Variants in RAPGEF1 observed in about 807,000 individuals in gnomAD.
RAPGEF1 encodes Rap guanine nucleotide exchange factor 1.
A neutral mutation model predicts 143.3 loss-of-function variants in RAPGEF1; 33 were observed. The ratio of observed to expected loss-of-function variants is 0.23; its 90% CI spans 0.17 to 0.31. The LOEUF is 0.31. Among genes scored for constraint, RAPGEF1 ranks in the 10% least tolerant of loss-of-function variants. The pLI, the probability that RAPGEF1 is intolerant of heterozygous loss-of-function variation, is 1.00. For synonymous variants in RAPGEF1, 629 were observed against 676.5 expected, an observed-to-expected ratio of 0.93 and a Z score of 1.09; for missense variants, 1,199 against 1,645.4, an observed-to-expected ratio of 0.73 and a Z score of 4.69.
chr9:131,593,779 C>T (rs1373395563), intron 17 of RAPGEF1, among the ~76,000 whole-genome samples: 1 of 152,212 alleles, frequency 6.6e-6, no homozygotes, highest in Non-Finnish European at 1.5e-5. Context: ...CCTCGGCCCC[C>T]ACACCCACCC....
At chr9:131,640,355 T>C (rs1967547932) in intron 4 of RAPGEF1, among the ~76,000 whole-genome samples, 1 of 152,102 alleles carries the variant, frequency 6.6e-6, no homozygotes, top group South Asian at 2.1e-4. Flanking sequence ...AACAGTGAGG[T>C]GAAAGAGGGG....
chr9:131,657,274 C>G (rs1338578356), intron 1 of RAPGEF1, among the ~76,000 whole-genome samples: 1 of 152,190 alleles, frequency 6.6e-6, no homozygotes, highest in East Asian at 1.9e-4. Flanking sequence ...GATGCACTCT[C>G]CCTGCCCCTT....
intron 1 of RAPGEF1, among the ~76,000 whole-genome samples, chr9:131,724,552 G>A (rs371491430): frequency 6.6e-6 from 1 of 152,004 alleles, no homozygotes; most frequent in Non-Finnish European, 1.5e-5. Flanking sequence ...CCGAGATCAC[G>A]CCACTGCACT....
At chr9:131,727,699 C>G (rs1389743155) in intron 1 of RAPGEF1, among the ~76,000 whole-genome samples, 1 of 152,178 alleles carries the variant, frequency 6.6e-6, no homozygotes, top group African/African-American at 2.4e-5. Flanking sequence ...AGTCCCTAGC[C>G]CGAGTCCCTG....
At chr9:131,624,016 A>G (rs1962136831) in intron 10 of RAPGEF1, among the ~76,000 whole-genome samples, 1 of 152,186 alleles carries the variant, frequency 6.6e-6, no homozygotes, top group Non-Finnish European at 1.5e-5. Context: ...GCTCTTTCAC[A>G]GGGTACGGAG....
At chr9:131,709,855 T>C (rs894162548) in intron 1 of RAPGEF1, 5 of 1,424,594 alleles carry the variant, frequency 3.5e-6, no homozygotes, top group African/African-American at 1.4e-5. Flanking sequence ...TCTCAAGTCT[T>C]TGCCTTCTGC....
intron 1 of RAPGEF1, among the ~76,000 whole-genome samples, chr9:131,662,551 G>T (rs1337804698): frequency 4.5e-4 from 58 of 129,942 alleles, no homozygotes; most frequent in African/African-American, 1.3e-3. Flanking sequence ...GTTTTATTTT[G>T]TTTTTTTTTT....
rs1178774797 is a variant in RAPGEF1 at position 131,735,186 on chromosome 9, C to T, written c.61+4584G>A. 3.9e-5 allele frequency among the ~76,000 whole-genome samples: 6 copies of T among 152,184 alleles called. No homozygotes were observed. The East Asian group carries it at 5.8e-4, about 15-fold the overall frequency. ...TCAGGAGGTTGCTCCGTGAGGCAGG[C>T]GATGAGTGAAGCCACTGAAGGAGGG... On this transcript the variant is annotated intron_variant, in intron 1 of 26. Transcript: ENST00000683357.
chr9:131,578,469 C>G lies in RAPGEF1; in HGVS notation c.*1028G>C, dbSNP rs1415336003. On this transcript the variant is annotated 3_prime_UTR_variant, in exon 27 of 27. Transcript: ENST00000683357. Reference sequence around the variant, plus strand: ...CTCCCAGGGGCACTGACAGCACTGGCTGAAAGGTCTGAAGAGCCAGAGGAG... The same window carrying G: ...CTCCCAGGGGCACTGACAGCACTGGGTGAAAGGTCTGAAGAGCCAGAGGAG... The G allele has an allele frequency of 6.6e-6, 1 of 152,400 alleles. No individual in the cohort carries two copies. Among genetic ancestry groups the G allele is most frequent in the Non-Finnish European group, 1.5e-5 (1 of 68,136 alleles). The allele number at this position is 152,400 out of a possible 1,614,324, so 9.4% of individuals were successfully genotyped here.
At chr9:131,713,369 C>A (rs543442442) in intron 1 of RAPGEF1, among the ~76,000 whole-genome samples, 2 of 152,142 alleles carry the variant, frequency 1.3e-5, no homozygotes, top group Non-Finnish European at 2.9e-5. Context: ...CAGAGAGGGG[C>A]AGGGATCAAC....
intron 1 of RAPGEF1, among the ~76,000 whole-genome samples, chr9:131,709,293 C>T (rs562091682): frequency 2.6e-5 from 4 of 152,136 alleles, no homozygotes; most frequent in African/African-American, 9.7e-5. Flanking sequence ...TTGCAGCGAG[C>T]TGAGATCATG....
chr9:131,711,360 CCTT>C (rs1173848772), intron 1 of RAPGEF1, among the ~76,000 whole-genome samples: 2 of 125,290 alleles, frequency 1.6e-5, no homozygotes, highest in African/African-American at 5.3e-5. Context: ...CCTATTATCA[CCTT>C]TTTTTTTTTT....
In RAPGEF1 at chr9:131,650,516, G is replaced by C. The variant is rs1377185267; in HGVS notation, c.202-274C>G. ...GCAACGTAGGGAACTGCAGGGCAGG[G>C]AGGCAGCAGCCTGGGGTGTGGACAT... is the stretch of plus-strand genomic sequence containing the variant. On this transcript the variant is annotated intron_variant, in intron 2 of 26. Coordinates refer to ENST00000683357, the MANE Select transcript of RAPGEF1 (RefSeq NM_001377935.1). This position sits in a 1 kb window ranked among gnomAD's most constrained non-coding sequence, Gnocchi z 4.7. Among the ~76,000 whole-genome samples, 2 of 152,126 alleles carry C rather than the reference G, an allele frequency of 1.3e-5. No individual in the cohort carries two copies. The highest frequency in any genetic ancestry group is 2.4e-5 in the African/African-American group (1 of 41,452).
In RAPGEF1 at chr9:131,587,925, G is replaced by A; in HGVS notation, c.3138+17C>T. 1.9e-6 allele frequency: 3 copies of A among 1,605,074 alleles called. No homozygotes were observed. The highest frequency in any genetic ancestry group is 2.6e-6 in the Non-Finnish European group (3 of 1,174,960). ...GGGACAAACAGTGTGGCTCCCCCTGGCAGGAGCAGCCTGTACCTCTATTTT... is the reference window on the plus strand; with the variant it reads ...GGGACAAACAGTGTGGCTCCCCCTGACAGGAGCAGCCTGTACCTCTATTTT... On this transcript the variant is annotated intron_variant, in intron 21 of 26. Transcript: ENST00000683357.
At position 131,739,838 on chromosome 9, in the gene RAPGEF1, GGGC is replaced by G; in HGVS notation, c.-11_-9del. On this transcript the variant is annotated 5_prime_UTR_variant, in exon 1 of 27. Transcript: ENST00000683357. Reference sequence around the variant, plus strand: ...GCCGAGGCCGCCGCTCATCGGGCCCGGGCCGGGCCGCCGCGGGGCGACAGGGGC... The same window carrying G: ...GCCGAGGCCGCCGCTCATCGGGCCCGCGGGCCGCCGCGGGGCGACAGGGGC... The G allele has an allele frequency of 9.7e-7, 1 of 1,032,328 alleles. No individual in the cohort carries two copies. The highest frequency in any genetic ancestry group is 1.2e-6 in the Non-Finnish European group (1 of 864,336). The allele number at this position is 1,032,328 out of a possible 1,614,324, so 63.9% of individuals were successfully genotyped here.
intron 14 of RAPGEF1, 113 bp from the exon 15 acceptor site, chr9:131,602,262 A>C (rs1956399860): frequency 1.5e-6 from 1 of 672,922 alleles, no homozygotes; most frequent in South Asian, 1.8e-5. Context: ...CTATGGAGCA[A>C]TCTCAGATGT....
rs1376055464 is a variant in RAPGEF1 at position 131,604,029 on chromosome 9, C to T, written c.2344G>A (p.Gly782Ser). 7.5e-7 allele frequency: 1 copy of T among 1,338,134 alleles called. No individual in the cohort carries two copies. The highest frequency in any genetic ancestry group is 2.0e-5 in the Admixed American group (1 of 49,376). The allele number at this position is 1,338,134 out of a possible 1,614,324, so 82.9% of individuals were successfully genotyped here. Residue 782 changes from glycine (G) to serine (S), a missense_variant, in exon 14 of 27, where the codon GGT becomes AGT. Around this residue, in one of 6 missense-constraint regions of RAPGEF1, gnomAD observed 293 missense variants for 356.2 expected, o/e 0.82. Transcript: ENST00000683357. ...TACAGATTGACATATTCACCCTCAC[C>T]AGCTTCCTCACTGGCGTTTTCACTC... Reference protein sequence around the residue: ...DSSENASEEAGEGEYVNLYSS... With the variant: ...DSSENASEEASEGEYVNLYSS...
chr9:131,633,041 C>T (rs992146909), intron 5 of RAPGEF1, among the ~76,000 whole-genome samples: 15 of 152,238 alleles, frequency 9.9e-5, no homozygotes. Context: ...CAGTGTTACC[C>T]TACTCTGTGA....
chr9:131,731,825 CA>C (rs1837094344), intron 1 of RAPGEF1, among the ~76,000 whole-genome samples: 1 of 152,130 alleles, frequency 6.6e-6, no homozygotes, highest in South Asian at 2.1e-4. Flanking sequence ...CAGTGAAAAG[CA>C]AAGAGAAAGC....
Sources: gnomAD v4.1 joint callset for allele counts (sites outside exome capture counted in the v4.1 genomes callset) on GRCh38, gnomAD v4.1.1 for gene constraint, gnomAD v4.1.1 regional missense constraint, Gnocchi (gnomAD v3.1) non-coding constraint, MANE v1.5 for transcripts, NCBI Gene and HGNC (gene_info 2026-07-23, HGNC 2026-07-21) for gene names.